The following SCAI variants were observed in gnomAD, a reference collection of about 807,000 sequenced individuals.
SCAI encodes the protein suppressor of cancer cell invasion, also known as protein SCAI.
Under a neutral mutation model 92.2 loss-of-function variants are expected in SCAI, and 24 were observed. That is an observed-to-expected ratio of 0.26 (90% CI 0.19 to 0.37). The LOEUF (loss-of-function observed/expected upper bound fraction) is 0.37. SCAI is among the 10% of genes least tolerant of loss of function. The probability of loss-of-function intolerance (pLI) is 1.00; values close to 1 mark genes in which losing one functional copy is unlikely to be tolerated. For synonymous variants in SCAI, 261 were observed against 258.6 expected (o/e 1.01, Z -0.09); for missense variants, 450 against 736.2 (o/e 0.61, Z 4.50).
At chr9:125,013,606 A>G (rs1207519953) in intron 9 of SCAI, among the ~76,000 whole-genome samples, 1 of 152,194 alleles carries the variant, frequency 6.6e-6, no homozygotes, top group African/African-American at 2.4e-5. Context: ...GAGGTACAAG[A>G]GGAACTGGTA....
chr9:125,081,171 T>C (rs1459617788), intron 2 of SCAI, among the ~76,000 whole-genome samples: 1 of 152,168 alleles, frequency 6.6e-6, no homozygotes, highest in African/African-American at 2.4e-5. Context: ...AGTAAATTGG[T>C]AACAGTGGAG....
At chr9:124,997,018 T>A (rs1832252235) in intron 13 of SCAI, among the ~76,000 whole-genome samples, 1 of 152,082 alleles carries the variant, frequency 6.6e-6, no homozygotes, top group Admixed American at 6.6e-5. Context: ...AACCAACATC[T>A]CCCTATTTTC....
intron 2 of SCAI, among the ~76,000 whole-genome samples, chr9:125,057,259 A>G (rs1833687837): frequency 6.6e-6 from 1 of 152,216 alleles, no homozygotes; most frequent in South Asian, 2.1e-4. Flanking sequence ...GATTTGGGGT[A>G]CTCTGCCAAA....
intron 2 of SCAI, among the ~76,000 whole-genome samples, chr9:125,114,973 A>G (rs908330489): frequency 6.6e-6 from 1 of 151,902 alleles, no homozygotes; most frequent in Non-Finnish European, 1.5e-5. Flanking sequence ...GGGTTTTGCC[A>G]TGATGGCCAG....
intron 2 of SCAI, among the ~76,000 whole-genome samples, chr9:125,066,464 A>ATTTTTT (rs754196569): frequency 2.2e-5 from 3 of 138,228 alleles, no homozygotes; most frequent in East Asian, 2.2e-4. Context: ...TTATTTATTT[A>ATTTTTT]TTTTTTTTTG....
chr9:125,131,307 C>G (rs1835395788), intron 2 of SCAI, among the ~76,000 whole-genome samples: 1 of 150,428 alleles, frequency 6.6e-6, no homozygotes, highest in African/African-American at 2.5e-5. Context: ...ACTTGGGAGG[C>G]TGAGGAGGGA....
intron 15 of SCAI, among the ~76,000 whole-genome samples, chr9:124,973,807 A>G (rs200035256): frequency 7.2e-6 from 1 of 138,430 alleles, no homozygotes; most frequent in Non-Finnish European, 1.5e-5. Flanking sequence ...AGCCTGGGCG[A>G]CAGTGCAAGA....
chr9:125,036,068 T>G (rs1476452695), intron 3 of SCAI, among the ~76,000 whole-genome samples: 1 of 151,990 alleles, frequency 6.6e-6, no homozygotes, highest in Non-Finnish European at 1.5e-5. Context: ...GATGACTGCT[T>G]CAGCCCAGGA....
rs1321217498 is a variant in SCAI, at chr9:124,951,670, T to C, written c.*1137A>G. ...ATTTCTGAAATTGAATGCTGCATAA[T>C]CAAAAAGGAGGGAGGACTTCATAGC... is the stretch of plus-strand genomic sequence containing the variant. On this transcript the variant is annotated 3_prime_UTR_variant, in exon 18 of 18. Transcript: ENST00000336505. 2 of 151,810 alleles carry C rather than the reference T, an allele frequency of 1.3e-5. No individual in the cohort carries two copies. The highest frequency in any genetic ancestry group is 2.4e-5 in the African/African-American group (1 of 41,290). The allele number at this position is 151,810 out of a possible 1,614,324, so 9.4% of individuals were successfully genotyped here. A position where few individuals can be genotyped will look rare whatever the true frequency, so the allele number is the denominator to read the frequency against.
rs368064421 is a variant in SCAI, at chr9:125,054,262, A to C, written c.230+1614T>G. Among the ~76,000 whole-genome samples, 42 of 152,320 alleles carry C rather than the reference A, an allele frequency of 2.8e-4. No individual in the cohort carries two copies. The East Asian group carries it at 6.2e-3, about 22-fold the overall frequency. On this transcript the variant is annotated intron_variant, in intron 3 of 17. Coordinates refer to ENST00000336505, the MANE Select transcript of SCAI (RefSeq NM_001144877.3). ...AGTGCTGGGATTATGGGCGTGAGCC[A>C]CTGCGCCTGGCCTCTTCTAACTTTT...
At chr9:125,004,014 A>T (rs939685423) in intron 9 of SCAI, among the ~76,000 whole-genome samples, 1 of 152,050 alleles carries the variant, frequency 6.6e-6, no homozygotes, top group South Asian at 2.1e-4. Context: ...CATCTCTACT[A>T]AAAATACAAA....
rs184119778 is a variant in SCAI, at chr9:125,050,424, T to C, written c.230+5452A>G. Among the ~76,000 whole-genome samples, 3 of 152,266 alleles carry C rather than the reference T, an allele frequency of 2.0e-5. No individual in the cohort carries two copies. In the East Asian group the frequency reaches 5.8e-4, roughly 29 times the overall value. ...ATTAACAAAACTCAAAGATCTTCTT[T>C]ACGCAGGAAACAGGGAGAGTAGTGT... is the stretch of plus-strand genomic sequence containing the variant. On this transcript the variant is annotated intron_variant, in intron 3 of 17. Transcript: ENST00000336505.
At chr9:125,004,851 C>T (rs190890294) in intron 9 of SCAI, among the ~76,000 whole-genome samples, 47 of 128,958 alleles carry the variant, frequency 3.6e-4, no homozygotes, top group South Asian at 1.1e-3. Flanking sequence ...TGCAATGGCG[C>T]GCTCTCGGCT....
At chr9:125,098,145 C>T (rs980959982) in intron 2 of SCAI, among the ~76,000 whole-genome samples, 1 of 151,958 alleles carries the variant, frequency 6.6e-6, no homozygotes, top group Non-Finnish European at 1.5e-5. Flanking sequence ...ACCTCAATCT[C>T]CTGGACTCAA....
At chr9:125,093,078 C>T (rs923332774) in intron 2 of SCAI, among the ~76,000 whole-genome samples, 3 of 152,110 alleles carry the variant, frequency 2.0e-5, no homozygotes, top group African/African-American at 4.8e-5. Context: ...ACATCATTTC[C>T]GGCTGGGCAC....
At chr9:125,125,809 C>T (rs1337249717) in intron 2 of SCAI, among the ~76,000 whole-genome samples, 6 of 108,346 alleles carry the variant, frequency 5.5e-5, no homozygotes, top group Admixed American at 2.8e-4. Flanking sequence ...CCAGCCTGGG[C>T]GACAGAGTAA....
chr9:124,970,205 A>C (rs1222949073), intron 17 of SCAI, among the ~76,000 whole-genome samples: 1 of 152,194 alleles, frequency 6.6e-6, no homozygotes, highest in Non-Finnish European at 1.5e-5. Flanking sequence ...GTCCATTATC[A>C]GAAGAATAAG....
chr9:125,055,828 A>C, intron 3 of SCAI, 48 bp downstream of exon 3: 2 of 1,518,442 alleles, frequency 1.3e-6, no homozygotes, highest in Non-Finnish European at 1.8e-6. Flanking sequence ...CAGAAAAAAA[A>C]CAAATGCAGA....
intron 15 of SCAI, among the ~76,000 whole-genome samples, chr9:124,973,121 C>T (rs1373462254): frequency 6.6e-6 from 1 of 152,058 alleles, no homozygotes; most frequent in African/African-American, 2.4e-5. Context: ...TCATATGTAC[C>T]GTATACACAT....
Sources: allele counts gnomAD v4.1 joint callset (sites outside exome capture counted in the v4.1 genomes callset), GRCh38; gene constraint gnomAD v4.1.1; transcripts MANE v1.5; gene names NCBI Gene and HGNC (gene_info 2026-07-23, HGNC 2026-07-21).